Variants in ARHGAP25 observed in about 807,000 individuals in gnomAD.
ARHGAP25 encodes rho GTPase-activating protein 25.
In ARHGAP25, 34 loss-of-function variants were observed where a neutral mutation model predicts 71.0. The observed-to-expected ratio is 0.48, with a 90% CI of 0.36 to 0.64. The LOEUF (loss-of-function observed/expected upper bound fraction) is 0.64. ARHGAP25 is among the 30% of genes least tolerant of loss of function. ARHGAP25 has a pLI of 0.00. For synonymous variants in ARHGAP25, 282 were observed against 296.5 expected (o/e 0.95, Z 0.50); for missense variants, 706 against 805.1 (o/e 0.88, Z 1.49).
rs1675699485 is a variant in ARHGAP25 at position 68,744,513 on chromosome 2, G to A, written c.61+9253G>A. Among the ~76,000 whole-genome samples, 4 of 152,328 alleles carry A rather than the reference G, an allele frequency of 2.6e-5. No individual in the cohort carries two copies. The South Asian group carries it at 8.3e-4, about 32-fold the overall frequency. The stretch of plus-strand genomic sequence containing the variant: ...CTGACAGTCTCATTAGAGACACTCT[G>A]AGGAAGCAGGGCTCTCCCACTAAAG... On this transcript the variant is annotated intron_variant, in intron 1 of 10. Transcript: ENST00000409202.
chr2:68,818,063 G>T (rs1483078616), intron 8 of ARHGAP25, 69 bp downstream of exon 8: 8 of 1,582,988 alleles, frequency 5.1e-6, no homozygotes, highest in Non-Finnish European at 6.1e-6. Context: ...CCTGATATTT[G>T]TGCACTGCTC....
At position 68,711,312 on chromosome 2, in the gene ARHGAP25, T is replaced by C. The variant is rs192404299; in HGVS notation, c.-18+614T>C. Among the ~76,000 whole-genome samples the C allele has an allele frequency of 2.6e-5, 4 of 152,264 alleles. No individual in the cohort carries two copies. In the East Asian group the frequency reaches 7.7e-4, roughly 29 times the overall value. On this transcript the variant is annotated intron_variant and NMD_transcript_variant, in intron 2 of 7. Transcript: ENST00000463483. ...TTCCAAAGGGGAAGAGTGACTTTGC[T>C]AAGATAAATTTTGGTGCAAACCACA...
At chr2:68,817,347 G>A (rs1369552053) in intron 7 of ARHGAP25, among the ~76,000 whole-genome samples, 5 of 152,088 alleles carry the variant, frequency 3.3e-5, no homozygotes, top group Non-Finnish European at 1.5e-5. Flanking sequence ...GCCTCAAAGG[G>A]GTAGAATTTT....
intron 4 of ARHGAP25, among the ~76,000 whole-genome samples, chr2:68,792,069 C>T (rs933009832): frequency 6.6e-6 from 1 of 152,196 alleles, no homozygotes; most frequent in African/African-American, 2.4e-5. Context: ...CCTGTCCCGT[C>T]TCCAGGGAGC....
chr2:68,762,076 T>C (rs780998821), intron 1 of ARHGAP25, among the ~76,000 whole-genome samples: 3 of 152,186 alleles, frequency 2.0e-5, no homozygotes, highest in African/African-American at 4.8e-5. Flanking sequence ...TTCTGCAATA[T>C]GCTATAGCAC....
At chr2:68,732,601 T>C (rs1675050540), upstream of ARHGAP25, among the ~76,000 whole-genome samples, 1 of 152,196 alleles carries the variant, frequency 6.6e-6, no homozygotes, top group African/African-American at 2.4e-5. Flanking sequence ...CTGGGTAGAC[T>C]GGGTGAGTGT....
At chr2:68,802,462 G>A (rs931989136) in intron 4 of ARHGAP25, among the ~76,000 whole-genome samples, 4 of 150,380 alleles carry the variant, frequency 2.7e-5, no homozygotes, top group African/African-American at 9.8e-5. Context: ...AGAGTGAAGA[G>A]TGTTGCGGAT....
At chr2:68,725,733 G>A (rs971852751) in intron 2 of ARHGAP25, among the ~76,000 whole-genome samples, 1 of 152,088 alleles carries the variant, frequency 6.6e-6, no homozygotes, top group African/African-American at 2.4e-5. Context: ...CATACAATTC[G>A]TCCCCTATTA....
At chr2:68,711,215 A>T (rs1674474835) in intron 2 of ARHGAP25, among the ~76,000 whole-genome samples, 1 of 152,136 alleles carries the variant, frequency 6.6e-6, no homozygotes, top group Non-Finnish European at 1.5e-5. Context: ...CTTCATGAAC[A>T]TCCATGGTGC....
intron 2 of ARHGAP25, among the ~76,000 whole-genome samples, chr2:68,719,694 A>C (rs1223305018): frequency 6.6e-6 from 1 of 152,150 alleles, no homozygotes; most frequent in African/African-American, 2.4e-5. Context: ...ACTGTTTAAC[A>C]AGTGCCTGCT....
intron 2 of ARHGAP25, among the ~76,000 whole-genome samples, chr2:68,716,811 G>A (rs948014250): frequency 6.6e-6 from 1 of 152,134 alleles, no homozygotes; most frequent in African/African-American, 2.4e-5. Flanking sequence ...TTCCTTCATT[G>A]TGACATGGTT....
intron 1 of ARHGAP25, among the ~76,000 whole-genome samples, chr2:68,758,198 G>A (rs1676593486): frequency 6.6e-6 from 1 of 151,834 alleles, no homozygotes; most frequent in Admixed American, 6.6e-5. Context: ...AGGGAATGGA[G>A]GACAAAAAAG....
Position 68,788,028 on chromosome 2 carries a change from G to T in ARHGAP25, c.466+72G>T, listed in dbSNP as rs544326399. 5.7e-5 allele frequency: 69 copies of T among 1,206,202 alleles called. 1 individual carries two copies. The East Asian group carries it at 1.5e-3, about 26-fold the overall frequency. The allele number at this position is 1,206,202 out of a possible 1,614,324, so 74.7% of individuals were successfully genotyped here. A position where few individuals can be genotyped will look rare whatever the true frequency, so the allele number is the denominator to read the frequency against. ...AGAAAGTAGGAAGTAGCTCCAATGT[G>T]ATAGCTCCTTGAGCAGTGCTCAAGG... is the stretch of plus-strand genomic sequence containing the variant. On this transcript the variant is annotated intron_variant, in intron 4 of 10. Coordinates refer to ENST00000409202, the MANE Select transcript of ARHGAP25 (RefSeq NM_001007231.3).
At chr2:68,744,262 T>A (rs1052654137) in intron 1 of ARHGAP25, among the ~76,000 whole-genome samples, 3 of 152,122 alleles carry the variant, frequency 2.0e-5, no homozygotes, top group Admixed American at 2.0e-4. Context: ...ATATATATAT[T>A]TTTTCCAACT....
chr2:68,746,932 C>T (rs905031740), intron 1 of ARHGAP25, among the ~76,000 whole-genome samples: 5 of 149,494 alleles, frequency 3.3e-5, no homozygotes, highest in Middle Eastern at 3.2e-3. Context: ...CGCTTGAACC[C>T]GGGAGGCAGA....
In ARHGAP25 at chr2:68,782,285, A is replaced by G; in HGVS notation, c.314A>G (p.Glu105Gly). 1 of 1,614,136 alleles carries G rather than the reference A, an allele frequency of 6.2e-7. No homozygotes were observed. The highest frequency in any genetic ancestry group is 8.5e-7 in the Non-Finnish European group (1 of 1,179,992). Residue 105 changes from glutamate (E) to glycine (G), a missense_variant, in exon 3 of 11, where the codon GAA becomes GGA. By Grantham distance (98) the Glu-to-Gly change is moderately conservative. Coordinates refer to ENST00000409202, the MANE Select transcript of ARHGAP25 (RefSeq NM_001007231.3). ...ATCAAGGAGATCGCCACAAACCCAG[A>G]AGAAGCTGGGAAGTTTGTCTTTGAA... ...CTIKEIATNP[E>G]EAGKFVFEII...
At chr2:68,713,981 A>G (rs953837067) in intron 2 of ARHGAP25, among the ~76,000 whole-genome samples, 2 of 152,222 alleles carry the variant, frequency 1.3e-5, no homozygotes, top group African/African-American at 4.8e-5. Flanking sequence ...TTTTGGTATC[A>G]GGATGATGCT....
chr2:68,765,344 A>G (rs1298164326), intron 1 of ARHGAP25, among the ~76,000 whole-genome samples: 2 of 145,374 alleles, frequency 1.4e-5, no homozygotes, highest in Non-Finnish European at 3.0e-5. Flanking sequence ...TGAAGTTTAG[A>G]GCAATAGTTG....
chr2:68,733,153 G>A (rs1214623151), upstream of ARHGAP25, among the ~76,000 whole-genome samples: 1 of 152,214 alleles, frequency 6.6e-6, no homozygotes, highest in Non-Finnish European at 1.5e-5. Context: ...GGAAAAGCCA[G>A]AAAGGCAGGC....
Sources: allele counts gnomAD v4.1 joint callset (sites outside exome capture counted in the v4.1 genomes callset), GRCh38; gene constraint gnomAD v4.1.1; transcripts MANE v1.5; gene names NCBI Gene and HGNC (gene_info 2026-07-23, HGNC 2026-07-21).